TENM2: variants seen among roughly 807,000 people sequenced by gnomAD.
The protein encoded by TENM2 is teneurin transmembrane protein 2.
A neutral mutation model predicts 245.2 loss-of-function variants in TENM2; 52 were observed. That is an observed-to-expected ratio of 0.21 (90% CI 0.17 to 0.27). TENM2 has a LOEUF of 0.27. TENM2 is among the 10% of genes least tolerant of loss of function. The pLI is 1.00. For synonymous variants in TENM2, 1,363 were observed against 1,438.9 expected (o/e 0.95, Z 1.19); for missense variants, 3,046 against 3,666.8 (o/e 0.83, Z 4.37).
At position 167,906,082 on chromosome 5, in the gene TENM2, G is replaced by A. The variant is rs1265617727; in HGVS notation, c.712+29887G>A. ...AATTTATTTGACATAGCTCACACCT[G>A]CCAACCCTGCAGGAGATAACTTATA... is the stretch of plus-strand genomic sequence containing the variant. On this transcript the variant is annotated intron_variant, in intron 3 of 28. Transcript: ENST00000518659. 2.0e-5 allele frequency among the ~76,000 whole-genome samples: 3 copies of A among 152,022 alleles called. No individual in the cohort carries two copies. In the East Asian group the frequency reaches 5.8e-4, roughly 29 times the overall value.
intron 2 of TENM2, among the ~76,000 whole-genome samples, chr5:167,474,186 A>T (rs1468669294): frequency 6.6e-6 from 1 of 152,224 alleles, no homozygotes; most frequent in Non-Finnish European, 1.5e-5. Flanking sequence ...TCAAGTATTT[A>T]CTTACAGTCT....
intron 2 of TENM2, among the ~76,000 whole-genome samples, chr5:167,477,769 GGATA>G (rs1208010034): frequency 6.6e-6 from 1 of 151,680 alleles, no homozygotes; most frequent in Admixed American, 6.6e-5. Flanking sequence ...AAAAAATAGA[GGATA>G]GATAGATGGA....
At chr5:168,255,679 C>A (rs117622717) in intron 27 of TENM2, among the ~76,000 whole-genome samples, 4 of 152,124 alleles carry the variant, frequency 2.6e-5, no homozygotes, top group African/African-American at 9.7e-5. Flanking sequence ...GTAACAAAAT[C>A]AAGTACTCTA....
intron 2 of TENM2, among the ~76,000 whole-genome samples, chr5:167,438,922 T>G (rs1764731136): frequency 6.6e-6 from 1 of 151,826 alleles, no homozygotes; most frequent in Admixed American, 6.6e-5. Flanking sequence ...GCCTCCCGAG[T>G]AGCTGGGATG....
At chr5:167,679,668 A>T (rs1193398138) in intron 2 of TENM2, among the ~76,000 whole-genome samples, 1 of 152,174 alleles carries the variant, frequency 6.6e-6, no homozygotes, top group Non-Finnish European at 1.5e-5. Context: ...TTTTCCTGAA[A>T]CATGTTATTA....
chr5:167,872,879 A>C (rs1482597467), intron 2 of TENM2, among the ~76,000 whole-genome samples: 2 of 152,268 alleles, frequency 1.3e-5, no homozygotes, highest in Non-Finnish European at 2.9e-5. Context: ...TCATGTAAAG[A>C]ATAATTTCAC....
chr5:167,163,649 T>G, the TENM2 span, among the ~76,000 whole-genome samples: 1 of 152,242 alleles, frequency 6.6e-6, no homozygotes, highest in Admixed American at 6.5e-5. Flanking sequence ...AATCAGCTCT[T>G]CCATGGGGAC....
At chr5:167,357,943 A>G (rs1400322289) in intron 1 of TENM2, among the ~76,000 whole-genome samples, 5 of 151,940 alleles carry the variant, frequency 3.3e-5, no homozygotes, top group Non-Finnish European at 7.4e-5. Flanking sequence ...ATTGCCTATC[A>G]CTCTAAGTGA....
At chr5:167,743,252 G>A (rs950311906) in intron 2 of TENM2, among the ~76,000 whole-genome samples, 1 of 152,022 alleles carries the variant, frequency 6.6e-6, no homozygotes, top group Non-Finnish European at 1.5e-5. Context: ...ATGTCTCCCC[G>A]CATGAAACCT....
intron 2 of TENM2, among the ~76,000 whole-genome samples, chr5:167,709,921 T>C (rs1251651007): frequency 2.0e-5 from 3 of 152,120 alleles, no homozygotes; most frequent in Non-Finnish European, 4.4e-5. Flanking sequence ...ACATTTGGTC[T>C]AAAAAATTCT....
chr5:167,331,586 C>G (rs1307816487), intron 1 of TENM2, among the ~76,000 whole-genome samples: 1 of 152,260 alleles, frequency 6.6e-6, no homozygotes, highest in African/African-American at 2.4e-5. Flanking sequence ...CTAGACTTTT[C>G]TTTGTTGGGC....
At chr5:167,490,861 A>T (rs2127542310) in intron 2 of TENM2, among the ~76,000 whole-genome samples, 1 of 152,324 alleles carries the variant, frequency 6.6e-6, no homozygotes, top group South Asian at 2.1e-4. Flanking sequence ...TGATGGGATA[A>T]GTCCCAAGGT....
At chr5:167,092,856 G>A in the TENM2 span, among the ~76,000 whole-genome samples, 1 of 152,162 alleles carries the variant, frequency 6.6e-6, no homozygotes, top group African/African-American at 2.4e-5. Flanking sequence ...CCCAGTAAGA[G>A]ATACAAATAT....
chr5:168,066,367 A>G (rs1790508831), intron 7 of TENM2, among the ~76,000 whole-genome samples: 1 of 152,236 alleles, frequency 6.6e-6, no homozygotes, highest in Non-Finnish European at 1.5e-5. Flanking sequence ...AAGGAGCACC[A>G]GAAATATCAA....
chr5:167,569,078 C>CTT lies in TENM2; in HGVS notation c.502+193634_502+193635dup, dbSNP rs34311803. Among the ~76,000 whole-genome samples, 278 of 48,970 alleles carry CTT rather than the reference C, an allele frequency of 5.7e-3. 35 individuals carry two copies. Among genetic ancestry groups the CTT allele is most frequent in the African/African-American group, 0.019 (200 of 10,796 alleles). 32.1% of individuals were successfully genotyped at this position (48,970 alleles called of 152,430 possible). A position where few individuals can be genotyped will look rare whatever the true frequency, so the allele number is the denominator to read the frequency against. On this transcript the variant is annotated intron_variant, in intron 2 of 28. Coordinates refer to ENST00000518659, the Ensembl canonical transcript of TENM2. ...ATCAATGAGTATCACCTTCCTACAG[C>CTT]TTTTTTTTTTTTTTTTTTTTTTTTT...
chr5:167,016,061 T>C, the TENM2 span, among the ~76,000 whole-genome samples: 2 of 151,950 alleles, frequency 1.3e-5, no homozygotes, highest in Non-Finnish European at 2.9e-5. Context: ...GAGACCATCC[T>C]AGCTAACACG....
At chr5:167,330,481 A>T (rs1043833287) in intron 1 of TENM2, among the ~76,000 whole-genome samples, 6 of 152,098 alleles carry the variant, frequency 3.9e-5, no homozygotes, top group Admixed American at 1.3e-4. Flanking sequence ...AACTGAATAT[A>T]AGGAAGAGCT....
At chr5:167,803,304 G>A (rs1304834469) in intron 2 of TENM2, among the ~76,000 whole-genome samples, 3 of 152,096 alleles carry the variant, frequency 2.0e-5, no homozygotes, top group Non-Finnish European at 2.9e-5. Flanking sequence ...AAGCCTATCA[G>A]CTCTGTCTAT....
intron 2 of TENM2, among the ~76,000 whole-genome samples, chr5:167,787,535 A>C (rs6898256): frequency 0.43 from 65,622 of 151,990 alleles, 16,534 homozygotes; most frequent in East Asian, 0.72. Context: ...CAGGGCCTGC[A>C]TTTCCCACCT....
Sources: allele counts gnomAD v4.1 joint callset (sites outside exome capture counted in the v4.1 genomes callset), GRCh38; gene constraint gnomAD v4.1.1; transcripts MANE v1.5; gene names NCBI Gene and HGNC (gene_info 2026-07-23, HGNC 2026-07-21).